ZFPM2: variants seen among roughly 807,000 people sequenced by gnomAD.
ZFPM2 encodes the protein zinc finger protein ZFPM2.
A neutral mutation model predicts 98.6 loss-of-function variants in ZFPM2; 20 were observed. That is an observed-to-expected ratio of 0.20 (90% confidence interval 0.14 to 0.29). The LOEUF (loss-of-function observed/expected upper bound fraction) is 0.29, where lower values mean the gene tolerates loss of function less well. ZFPM2 is among the 10% of genes least tolerant of loss of function. The probability of loss-of-function intolerance (pLI) is 1.00; values close to 1 mark genes in which losing one functional copy is unlikely to be tolerated. For synonymous variants in ZFPM2, 518 were observed against 502.7 expected (o/e 1.03, Z -0.41); for missense variants, 1,310 against 1,388.6 (o/e 0.94, Z 0.90).
In ZFPM2 at chr8:105,640,289, A is replaced by G. The variant is rs562767383; in HGVS notation, c.532+5932A>G. Among the ~76,000 whole-genome samples the G allele has an allele frequency of 2.1e-4, 31 of 150,670 alleles. 2 individuals are homozygous for G. In the South Asian group the frequency reaches 5.0e-3, roughly 24 times the overall value. On this transcript the variant is annotated intron_variant, in intron 5 of 7. Coordinates refer to ENST00000407775, the MANE Select transcript of ZFPM2 (RefSeq NM_012082.4). ...TGCCTTTCTTTGCAAATTTGCATAC[A>G]TATTTATCAGCAATTTTTTTTCCCA... is the stretch of plus-strand genomic sequence containing the variant.
chr8:105,399,163 G>T (rs1193516001), intron 1 of ZFPM2, among the ~76,000 whole-genome samples: 1 of 152,174 alleles, frequency 6.6e-6, no homozygotes, highest in Admixed American at 6.5e-5. Flanking sequence ...AGGAGTTTGT[G>T]GGCCATGATA....
chr8:105,341,725 A>G (rs1812434680), intron 1 of ZFPM2, among the ~76,000 whole-genome samples: 1 of 152,024 alleles, frequency 6.6e-6, no homozygotes, highest in African/African-American at 2.4e-5. Flanking sequence ...GGTTGAAGCC[A>G]TGTTACTTCC....
Position 105,423,631 on chromosome 8 carries a change from G to A in ZFPM2, c.199+4329G>A, listed in dbSNP as rs565438693. Among the ~76,000 whole-genome samples the A allele has an allele frequency of 1.1e-3, 161 of 152,208 alleles. 1 individual carries two copies. The highest frequency in any genetic ancestry group is 1.8e-3 in the Non-Finnish European group (120 of 68,018). ...TATTTCCTGTGGTACTGAAATTTTC[G>A]TTTCAGTTATTTTGTCTGCCTTTCT... On this transcript the variant is annotated intron_variant, in intron 2 of 7. Coordinates refer to ENST00000407775, the MANE Select transcript of ZFPM2 (RefSeq NM_012082.4).
chr8:105,761,348 G>T lies in ZFPM2; in HGVS notation c.533-27370G>T, dbSNP rs141911460. Among the ~76,000 whole-genome samples, 450 of 152,102 alleles carry T rather than the reference G, an allele frequency of 3.0e-3. 2 individuals carry two copies. Among genetic ancestry groups the T allele is most frequent in the African/African-American group, 9.2e-3 (384 of 41,524 alleles). The stretch of plus-strand genomic sequence containing the variant: ...ACCACTGTGTGTTCTATGAATACAG[G>T]TTGAGTAACTAAATGAATTAATGAT... On this transcript the variant is annotated intron_variant, in intron 5 of 7. Transcript: ENST00000407775.
At chr8:105,550,974 C>A (rs1197707857) in intron 3 of ZFPM2, among the ~76,000 whole-genome samples, 7 of 152,054 alleles carry the variant, frequency 4.6e-5, no homozygotes, top group Non-Finnish European at 7.4e-5. Context: ...ATCAGAGACT[C>A]CAGAATGACT....
At chr8:105,372,321 C>T (rs1455170197) in intron 1 of ZFPM2, among the ~76,000 whole-genome samples, 1 of 152,016 alleles carries the variant, frequency 6.6e-6, no homozygotes, top group Non-Finnish European at 1.5e-5. Flanking sequence ...GGATTACAGG[C>T]GTGAGCCACC....
intron 3 of ZFPM2, among the ~76,000 whole-genome samples, chr8:105,524,486 TTCTC>T (rs375750481): frequency 2.1e-4 from 31 of 151,136 alleles, no homozygotes; most frequent in South Asian, 8.4e-4. Flanking sequence ...GTGTGTGTGT[TTCTC>T]TCTCTCTCTC....
chr8:105,442,296 A>G (rs1486575726), intron 2 of ZFPM2, among the ~76,000 whole-genome samples: 2 of 152,142 alleles, frequency 1.3e-5, no homozygotes, highest in Admixed American at 1.3e-4. Context: ...GTGAGCCGAG[A>G]TCGCGCCACT....
intron 7 of ZFPM2, among the ~76,000 whole-genome samples, chr8:105,800,118 G>GATTC (rs1813956492): frequency 6.6e-6 from 1 of 152,096 alleles, no homozygotes; most frequent in African/African-American, 2.4e-5. Context: ...ATGAGTATTA[G>GATTC]ATTCATTAAG....
At chr8:105,706,066 A>G (rs1001086252) in intron 5 of ZFPM2, among the ~76,000 whole-genome samples, 2 of 152,148 alleles carry the variant, frequency 1.3e-5, no homozygotes, top group Non-Finnish European at 2.9e-5. Flanking sequence ...GAGTGTATAT[A>G]TATTTATCCC....
intron 1 of ZFPM2, among the ~76,000 whole-genome samples, chr8:105,346,241 G>A (rs928176875): frequency 4.6e-5 from 7 of 151,876 alleles, no homozygotes; most frequent in East Asian, 2.0e-4. Context: ...AAAATTAGCC[G>A]GGCGTGGTGG....
At chr8:105,446,315 C>T (rs903584770) in intron 3 of ZFPM2, among the ~76,000 whole-genome samples, 8 of 152,080 alleles carry the variant, frequency 5.3e-5, no homozygotes, top group African/African-American at 9.7e-5. Flanking sequence ...TGCCTGCTTG[C>T]GAAAAGGTAC....
In ZFPM2 at chr8:105,442,510, G is replaced by A. The variant is rs191037226; in HGVS notation, c.200-1770G>A. On this transcript the variant is annotated intron_variant, in intron 2 of 7. Transcript: ENST00000407775. The stretch of plus-strand genomic sequence containing the variant: ...CCACAGTTCCTTAAACATAGTAGAT[G>A]CTCAATATTTTATGGAGGGAATTTC... 6.5e-3 allele frequency among the ~76,000 whole-genome samples: 982 copies of A among 152,246 alleles called. 10 individuals carry two copies. The highest frequency in any genetic ancestry group is 0.023 in the African/African-American group (935 of 41,538).
intron 2 of ZFPM2, among the ~76,000 whole-genome samples, chr8:105,443,391 T>C (rs1035870469): frequency 6.6e-6 from 1 of 151,982 alleles, no homozygotes. Flanking sequence ...GTATTCATGT[T>C]TTTTTGTCTT....
intron 3 of ZFPM2, among the ~76,000 whole-genome samples, chr8:105,468,657 C>T (rs1812839096): frequency 1.3e-5 from 2 of 151,948 alleles, no homozygotes; most frequent in South Asian, 4.2e-4. Context: ...ATGCCCTATA[C>T]CTAAATCACC....
At chr8:105,555,667 A>C (rs984834607) in intron 3 of ZFPM2, among the ~76,000 whole-genome samples, 3 of 152,172 alleles carry the variant, frequency 2.0e-5, no homozygotes, top group Admixed American at 6.5e-5. Context: ...TCAAGGAGAA[A>C]CCTACTAGGG....
intron 5 of ZFPM2, among the ~76,000 whole-genome samples, chr8:105,641,976 A>T (rs1233608232): frequency 6.6e-6 from 1 of 152,126 alleles, no homozygotes; most frequent in African/African-American, 2.4e-5. Flanking sequence ...GATAAGAACT[A>T]AGAATATATC....
intron 3 of ZFPM2, among the ~76,000 whole-genome samples, chr8:105,454,773 G>T (rs1199264539): frequency 6.6e-6 from 1 of 152,146 alleles, no homozygotes; most frequent in African/African-American, 2.4e-5. Flanking sequence ...AGAAAGGGGA[G>T]GGTAAATGCA....
At position 105,696,218 on chromosome 8, in the gene ZFPM2, G is replaced by T. The variant is rs535381604; in HGVS notation, c.532+61861G>T. ...TGCACCATCCTGGTGTTCTCAATGG[G>T]GTCACTGTAGGAATAGGTCTAGCTA... is the stretch of plus-strand genomic sequence containing the variant. On this transcript the variant is annotated intron_variant, in intron 5 of 7. Transcript: ENST00000407775. 7.2e-5 allele frequency among the ~76,000 whole-genome samples: 11 copies of T among 152,238 alleles called. No homozygotes were observed. The South Asian group carries it at 2.3e-3, about 32-fold the overall frequency.
Sources: gnomAD v4.1 joint callset for allele counts (sites outside exome capture counted in the v4.1 genomes callset) on GRCh38, gnomAD v4.1.1 for gene constraint, MANE v1.5 for transcripts, NCBI Gene and HGNC (gene_info 2026-07-23, HGNC 2026-07-21) for gene names.